The following BCLAF1 variants were observed in gnomAD, a reference collection of about 807,000 sequenced individuals.
BCLAF1 encodes the protein bcl-2-associated transcription factor 1.
BCLAF1 carries 10 observed loss-of-function variants against 99.5 expected under a neutral mutation model. The observed-to-expected ratio is 0.10, with a 90% CI of 0.06 to 0.17. The LOEUF (loss-of-function observed/expected upper bound fraction) is 0.17. Ranked by LOEUF, BCLAF1 falls within the 10% of genes least tolerant of loss-of-function variation. The pLI is 1.00. For synonymous variants in BCLAF1, 255 were observed against 370.9 expected (o/e 0.69, Z 3.59); for missense variants, 636 against 1,105.8 (o/e 0.58, Z 6.02).
rs902885837 is a variant in BCLAF1 at position 136,258,732 on chromosome 6, G to T, written c.*2378C>A. The T allele has an allele frequency of 6.6e-6, 1 of 152,452 alleles. No homozygotes were observed. The highest frequency in any genetic ancestry group is 1.5e-5 in the Non-Finnish European group (1 of 67,902). The allele number at this position is 152,452 out of a possible 1,614,324, so 9.4% of individuals were successfully genotyped here. A position where few individuals can be genotyped will look rare whatever the true frequency, so the allele number is the denominator to read the frequency against. On this transcript the variant is annotated 3_prime_UTR_variant, in exon 13 of 13. Transcript: ENST00000531224. Reference sequence around the variant, plus strand: ...TTCTCAAATTATAATTCCCAACACTGATTTTACCTGTGACAAAAGGAACAA... The same window carrying T: ...TTCTCAAATTATAATTCCCAACACTTATTTTACCTGTGACAAAAGGAACAA...
At chr6:136,272,221 A>G in intron 7 of BCLAF1, 142 bp from the exon 8 acceptor site, 1 of 538,182 alleles carries the variant, frequency 1.9e-6, no homozygotes, top group Admixed American at 3.8e-5. Flanking sequence ...AATTTAGTTT[A>G]TAATACACAA....
intron 8 of BCLAF1, chr6:136,269,833 ATTAT>A (rs999491464): frequency 2.0e-5 from 7 of 358,780 alleles, no homozygotes; most frequent in Admixed American, 1.3e-4. Context: ...GACTGGGGAA[ATTAT>A]TAAAAGCTAA....
chr6:136,263,365 T>G (rs1449128905), intron 11 of BCLAF1, among the ~76,000 whole-genome samples: 2 of 152,132 alleles, frequency 1.3e-5, no homozygotes, highest in Non-Finnish European at 2.9e-5. Flanking sequence ...TTGCTTTTAA[T>G]ATACAATCAT....
intron 6 of BCLAF1, chr6:136,273,889 A>G: frequency 1.2e-6 from 1 of 864,278 alleles, no homozygotes. Context: ...GTATAAAGTC[A>G]TGAGCTATGA....
At chr6:136,285,440 T>C (rs143725849) in intron 1 of BCLAF1, among the ~76,000 whole-genome samples, 81 of 152,326 alleles carry the variant, frequency 5.3e-4, no homozygotes, top group African/African-American at 1.8e-3. Context: ...AGTCGGAGTG[T>C]AAATGGTTAA....
At chr6:136,283,822 G>A (rs1784703092) in intron 1 of BCLAF1, among the ~76,000 whole-genome samples, 1 of 152,018 alleles carries the variant, frequency 6.6e-6, no homozygotes, top group Admixed American at 6.5e-5. Flanking sequence ...AGGAGGAATC[G>A]GAACCTATTA....
intron 6 of BCLAF1, chr6:136,274,163 T>C (rs1782927128): frequency 2.3e-6 from 3 of 1,288,868 alleles, no homozygotes; most frequent in Non-Finnish European, 3.0e-6. Context: ...AACATGGATT[T>C]TGCCATTTCA....
intron 11 of BCLAF1, among the ~76,000 whole-genome samples, chr6:136,263,819 T>C (rs1319373061): frequency 1.3e-5 from 2 of 152,176 alleles, no homozygotes; most frequent in African/African-American, 2.4e-5. Flanking sequence ...TCCATAGAAT[T>C]TCAGGTTCTA....
Position 136,289,828 on chromosome 6 carries a change from TC to T in BCLAF1, c.-231del, listed in dbSNP as rs1785749893. On this transcript the variant is annotated 5_prime_UTR_variant, in exon 1 of 13. Transcript: ENST00000531224. ...GAGCTACCTTCGACGCGCTAGCACGTCTCCGTCACTTCCGATCTGGGGCGTG... is the reference window on the plus strand; with the variant it reads ...GAGCTACCTTCGACGCGCTAGCACGTTCCGTCACTTCCGATCTGGGGCGTG... 6.6e-6 allele frequency: 1 copy of T among 152,666 alleles called. No individual in the cohort carries two copies. The highest frequency in any genetic ancestry group is 1.5e-5 in the Non-Finnish European group (1 of 68,040). The allele number at this position is 152,666 out of a possible 1,614,324, so 9.5% of individuals were successfully genotyped here. A position where few individuals can be genotyped will look rare whatever the true frequency, so the allele number is the denominator to read the frequency against.
intron 8 of BCLAF1, 73 bp downstream of exon 8, chr6:136,271,921 AG>A: frequency 9.0e-7 from 1 of 1,114,708 alleles, no homozygotes; most frequent in East Asian, 2.5e-5. Context: ...TTTTGCCTTG[AG>A]AAACTATATT....
At chr6:136,279,569 G>A (rs1784083051) in intron 3 of BCLAF1, 194 bp downstream of exon 3, 1 of 456,726 alleles carries the variant, frequency 2.2e-6, no homozygotes, top group Non-Finnish European at 3.3e-6. Context: ...TTCAATCCAA[G>A]CTCTGCCATT....
intron 11 of BCLAF1, among the ~76,000 whole-genome samples, chr6:136,262,298 T>A (rs575983547): frequency 6.6e-6 from 1 of 152,164 alleles, no homozygotes; most frequent in South Asian, 2.1e-4. Flanking sequence ...AGCTAACTTA[T>A]TAACTTTGTC....
rs753667197 is a variant in BCLAF1 at position 136,261,341 on chromosome 6, C to G, written c.2681G>C (p.Gly894Ala). The change falls in exon 12 of 13, where the codon GGG (glycine) becomes GCG (alanine). Residue 894 changes from glycine (G) to alanine (A), a missense_variant. By Grantham distance (60) the Gly-to-Ala change is moderately conservative. Around this residue, in one of 9 missense-constraint regions of BCLAF1, gnomAD observed 57 missense variants for 116.7 expected, o/e 0.49. Coordinates refer to ENST00000531224, the MANE Select transcript of BCLAF1 (RefSeq NM_014739.3). ...TTCTTCATCTTCAACAATCCCATCC[C>G]CTTGGTATTTGTCATGAGTCCATTT... ...SPKWTHDKYQ[G>A]DGIVEDEEET... The G allele has an allele frequency of 1.2e-6, 2 of 1,613,712 alleles. No individual in the cohort carries two copies. The highest frequency in any genetic ancestry group is 2.7e-5 in the African/African-American group (2 of 74,868).
At chr6:136,266,804 T>C (rs1781778308) in intron 11 of BCLAF1, among the ~76,000 whole-genome samples, 1 of 152,086 alleles carries the variant, frequency 6.6e-6, no homozygotes, top group Non-Finnish European at 1.5e-5. Context: ...GGTATATTTT[T>C]TGCTTACCCT....
intron 6 of BCLAF1, chr6:136,274,032 C>T: frequency 7.8e-7 from 1 of 1,285,116 alleles, no homozygotes; most frequent in Non-Finnish European, 1.0e-6. Context: ...AGGGTAGTGC[C>T]TCAATCATAA....
chr6:136,270,956 C>T (rs998455867), intron 8 of BCLAF1, among the ~76,000 whole-genome samples: 3 of 151,596 alleles, frequency 2.0e-5, no homozygotes, highest in South Asian at 2.1e-4. Flanking sequence ...AACATCAATA[C>T]GCCCCATGCA....
intron 11 of BCLAF1, 102 bp downstream of exon 11, chr6:136,266,927 G>A (rs1781799113): frequency 5.7e-6 from 8 of 1,392,166 alleles, no homozygotes; most frequent in Admixed American, 2.2e-5. Context: ...CCACATAACG[G>A]TGAATCTTCT....
At chr6:136,289,604 G>C (rs1785696016) in intron 1 of BCLAF1, 109 bp downstream of exon 1, 1 of 152,324 alleles carries the variant, frequency 6.6e-6, no homozygotes, top group Non-Finnish European at 1.5e-5. Context: ...ACGTCTCCTT[G>C]GTTCTCCTTT....
chr6:136,273,320 C>G, intron 6 of BCLAF1, 133 bp from the exon 7 acceptor site: 1 of 728,420 alleles, frequency 1.4e-6, no homozygotes, highest in Non-Finnish European at 2.2e-6. Context: ...TCAAGTGTTA[C>G]AAGGAACTCC....
Sources: allele counts gnomAD v4.1 joint callset (sites outside exome capture counted in the v4.1 genomes callset), GRCh38; gene constraint gnomAD v4.1.1; regional missense constraint gnomAD v4.1.1; transcripts MANE v1.5; gene names NCBI Gene and HGNC (gene_info 2026-07-23, HGNC 2026-07-21).